ZNF516: variants seen among roughly 807,000 people sequenced by gnomAD.
The protein encoded by ZNF516 is zinc finger protein 516.
In ZNF516, 19 loss-of-function variants were observed where a neutral mutation model predicts 79.7. That is an observed-to-expected ratio of 0.24 (90% CI 0.17 to 0.35). The LOEUF (loss-of-function observed/expected upper bound fraction) is 0.35. Ranked by LOEUF, ZNF516 falls within the 10% of genes least tolerant of loss-of-function variation. The probability of loss-of-function intolerance (pLI) is 1.00; values close to 1 mark genes in which losing one functional copy is unlikely to be tolerated. For missense variants in ZNF516, 1,678 were observed against 1,679.5 expected (o/e 1.00, Z 0.02); for synonymous variants, 877 against 739.5 (o/e 1.19, Z -3.02).
At chr18:76,363,208 A>G (rs1190113301) in intron 6 of ZNF516, among the ~76,000 whole-genome samples, 1 of 152,258 alleles carries the variant, frequency 6.6e-6, no homozygotes, top group Admixed American at 6.5e-5. Context: ...TTTGAACAAT[A>G]GCATTTACAA....
chr18:76,404,240 T>G (rs1196319212), intron 3 of ZNF516, among the ~76,000 whole-genome samples: 1 of 151,826 alleles, frequency 6.6e-6, no homozygotes, highest in African/African-American at 2.4e-5. Context: ...GCCAGGGGGG[T>G]CCCCAAGGAC....
At chr18:76,419,248 GGATA>G (rs2075475974) in intron 3 of ZNF516, among the ~76,000 whole-genome samples, 1 of 152,178 alleles carries the variant, frequency 6.6e-6, no homozygotes, top group African/African-American at 2.4e-5. Flanking sequence ...TGAAACAATG[GGATA>G]GAGACAAGTA....
intron 2 of ZNF516, among the ~76,000 whole-genome samples, chr18:76,462,373 C>A (rs921336245): frequency 6.6e-6 from 1 of 152,230 alleles, no homozygotes. Context: ...CACAAGGGAC[C>A]TACAGTCCAA....
rs554415310 is a variant in ZNF516 at position 76,459,536 on chromosome 18, C to T, written c.-158+3492G>A. Among the ~76,000 whole-genome samples, 2 of 152,340 alleles carry T rather than the reference C, an allele frequency of 1.3e-5. No homozygotes were observed. Among genetic ancestry groups the T allele is most frequent in the South Asian group, 4.1e-4 (2 of 4,830 alleles). ...GCCGTGTGCACCCCATCGGGCACCGCGTCGCCTCCCTCGGAATGTATTCCA... is the reference window on the plus strand; with the variant it reads ...GCCGTGTGCACCCCATCGGGCACCGTGTCGCCTCCCTCGGAATGTATTCCA... On this transcript the variant is annotated intron_variant, in intron 2 of 6. Coordinates refer to ENST00000443185, the MANE Select transcript of ZNF516 (RefSeq NM_014643.4). The surrounding 1 kb of genome is among the most constrained non-coding windows in gnomAD (Gnocchi z 5.0).
In ZNF516 at chr18:76,442,493, C is replaced by T. The variant is rs1236583624; in HGVS notation, c.562G>A (p.Asp188Asn). Residue 188 changes from aspartate (D) to asparagine (N), a missense_variant, in exon 3 of 7, where the codon GAC becomes AAC. Physicochemically the swap from Asp to Asn is conservative, Grantham distance 23. Transcript: ENST00000443185. Reference sequence around the variant, plus strand: ...GCCTGGTGCACGTGCAGCTCCAGGTCCTTCTTACGCTCGAACTGGCTCTTG... The same window carrying T: ...GCCTGGTGCACGTGCAGCTCCAGGTTCTTCTTACGCTCGAACTGGCTCTTG... ...FCKSQFERKK[D>N]LELHVHQAHK... 6 of 1,602,804 alleles carry T rather than the reference C, an allele frequency of 3.7e-6. No homozygotes were observed. In the South Asian group the frequency reaches 4.4e-5, roughly 12 times the overall value.
intron 1 of ZNF516, among the ~76,000 whole-genome samples, chr18:76,469,590 G>A (rs1032328969): frequency 6.6e-6 from 1 of 152,140 alleles, no homozygotes; most frequent in African/African-American, 2.4e-5. Context: ...ATTAAAGAAA[G>A]TATGGTAACT....
At chr18:76,461,594 G>A (rs1487820001) in intron 2 of ZNF516, among the ~76,000 whole-genome samples, 17 of 152,240 alleles carry the variant, frequency 1.1e-4, no homozygotes, top group Non-Finnish European at 2.2e-4. Flanking sequence ...TCATTTATAG[G>A]ACACAAACGT....
chr18:76,479,406 G>A lies in ZNF516; in HGVS notation c.-272+15738C>T, dbSNP rs188078218. Among the ~76,000 whole-genome samples, 114 of 152,320 alleles carry A rather than the reference G, an allele frequency of 7.5e-4. 1 individual carries two copies. The highest frequency in any genetic ancestry group is 2.6e-3 in the African/African-American group (109 of 41,576). On this transcript the variant is annotated intron_variant, in intron 1 of 6. Coordinates refer to ENST00000443185, the MANE Select transcript of ZNF516 (RefSeq NM_014643.4). The stretch of plus-strand genomic sequence containing the variant: ...TGAAATTCTCCCGGCAAGTCAGTCT[G>A]CATCTGCAATTCTGCCTGCTCTGTG...
intron 6 of ZNF516, 26 bp from the exon 7 acceptor site, chr18:76,362,583 G>A (rs1425070794): frequency 6.3e-7 from 1 of 1,596,434 alleles, no homozygotes; most frequent in South Asian, 1.1e-5. Flanking sequence ...GAAAGAACAG[G>A]AGAAAAGCTC....
chr18:76,359,229 ATAAG>A lies in ZNF516; in HGVS notation c.*3265_*3268del, dbSNP rs2074497483. 1 of 152,216 alleles carries A rather than the reference ATAAG, an allele frequency of 6.6e-6. No individual in the cohort carries two copies. Among genetic ancestry groups the A allele is most frequent in the Non-Finnish European group, 1.5e-5 (1 of 68,048 alleles). 9.4% of individuals were successfully genotyped at this position (152,216 alleles called of 1,614,324 possible). On this transcript the variant is annotated 3_prime_UTR_variant, in exon 7 of 7. Coordinates refer to ENST00000443185, the MANE Select transcript of ZNF516 (RefSeq NM_014643.4). ...GTGTCTTTCTTGGTTTAAAAAATAA[ATAAG>A]TAAATATTGGGGGACCTCTTAAAAC...
chr18:76,464,002 G>A (rs1054472497), intron 1 of ZNF516, among the ~76,000 whole-genome samples: 11 of 151,990 alleles, frequency 7.2e-5, no homozygotes, highest in Non-Finnish European at 1.5e-4. Context: ...ACGGCACCAC[G>A]CCATGTTTCT....
At chr18:76,367,719 C>G (rs371675032) in intron 6 of ZNF516, among the ~76,000 whole-genome samples, 1 of 152,212 alleles carries the variant, frequency 6.6e-6, no homozygotes, top group South Asian at 2.1e-4. Flanking sequence ...GTCTAAGCCA[C>G]CCATGGACCT....
chr18:76,371,005 G>C (rs535640750), intron 5 of ZNF516, among the ~76,000 whole-genome samples: 7 of 152,260 alleles, frequency 4.6e-5, no homozygotes, highest in African/African-American at 1.7e-4. Flanking sequence ...AGCCCGATCG[G>C]GTGCAAGCTC....
chr18:76,439,522 G>C (rs973823580), intron 3 of ZNF516, among the ~76,000 whole-genome samples: 1 of 152,132 alleles, frequency 6.6e-6, no homozygotes, highest in Non-Finnish European at 1.5e-5. Flanking sequence ...GTTACACATA[G>C]AGAAAAATAT....
rs771393811 is a variant in ZNF516, at chr18:76,380,018, G to A, written c.2096C>T (p.Ala699Val). The A allele has an allele frequency of 2.0e-5, 32 of 1,613,884 alleles. No homozygotes were observed. Among genetic ancestry groups the A allele is most frequent in the Middle Eastern group, 1.6e-4 (1 of 6,062 alleles). Residue 699 changes from alanine (A) to valine (V), a missense_variant, in exon 4 of 7, where the codon GCG (alanine) becomes GTG (valine). By Grantham distance (64) the Ala-to-Val change is moderately conservative (BLOSUM62 0). Transcript: ENST00000443185. Reference sequence around the variant, plus strand: ...TGCAGGGTGACCCGTCTGGCCCTCCGCTCCCGTACTGGAAGGGAACTCCAC... The same window carrying A: ...TGCAGGGTGACCCGTCTGGCCCTCCACTCCCGTACTGGAAGGGAACTCCAC... ...DGVEFPSSTG[A>V]EGQTGHPAEK... is the part of the protein sequence containing the mutation.
intron 1 of ZNF516, among the ~76,000 whole-genome samples, chr18:76,483,914 C>T (rs1046556018): frequency 1.3e-5 from 2 of 152,220 alleles, no homozygotes; most frequent in African/African-American, 2.4e-5. Context: ...ACAGCAACAA[C>T]TGGTCCAGTG....
chr18:76,367,655 C>T (rs1568229488), intron 6 of ZNF516, among the ~76,000 whole-genome samples: 1 of 152,314 alleles, frequency 6.6e-6, no homozygotes, highest in East Asian at 1.9e-4. Context: ...CCTCCAGCCT[C>T]AATGACAGGG....
At chr18:76,486,596 G>A (rs909582841) in intron 1 of ZNF516, among the ~76,000 whole-genome samples, 1 of 149,642 alleles carries the variant, frequency 6.7e-6, no homozygotes, top group African/African-American at 2.5e-5. Context: ...AAAAAAGCAA[G>A]AAAATAACAG....
At chr18:76,469,819 A>C (rs1046565387) in intron 1 of ZNF516, among the ~76,000 whole-genome samples, 1 of 152,260 alleles carries the variant, frequency 6.6e-6, no homozygotes, top group East Asian at 1.9e-4. Context: ...TGAACTGTAC[A>C]CTTAAAAAAT....
Sources: allele counts gnomAD v4.1 joint callset (sites outside exome capture counted in the v4.1 genomes callset), GRCh38; gene constraint gnomAD v4.1.1; non-coding constraint Gnocchi (gnomAD v3.1); transcripts MANE v1.5; gene names NCBI Gene and HGNC (gene_info 2026-07-23, HGNC 2026-07-21).